RPGRIP1L: variants seen among roughly 807,000 people sequenced by gnomAD.
RPGRIP1L encodes protein fantom.
RPGRIP1L carries 131 observed loss-of-function variants against 160.4 expected under a neutral mutation model. That is an observed-to-expected ratio of 0.82 (90% CI 0.71 to 0.94). RPGRIP1L has a LOEUF of 0.94. Among genes scored for constraint, RPGRIP1L ranks in the 40% least tolerant of loss-of-function variants. The probability of loss-of-function intolerance (pLI) is 0.00; values close to 1 mark genes in which losing one functional copy is unlikely to be tolerated. For synonymous variants in RPGRIP1L, 510 were observed against 515.8 expected (o/e 0.99, Z 0.15); for missense variants, 1,522 against 1,535.8 (o/e 0.99, Z 0.15).
At chr16:53,629,107 A>G (rs1965351185) in intron 22 of RPGRIP1L, among the ~76,000 whole-genome samples, 1 of 151,874 alleles carries the variant, frequency 6.6e-6, no homozygotes, top group Non-Finnish European at 1.5e-5. Flanking sequence ...TTGATATGCT[A>G]CTCTCCTTTC....
chr16:53,600,321 C>A lies in RPGRIP1L; in HGVS notation c.*1755G>T, dbSNP rs913776743. On this transcript the variant is annotated 3_prime_UTR_variant, in exon 27 of 27. Coordinates refer to ENST00000647211, the MANE Select transcript of RPGRIP1L (RefSeq NM_015272.5). ...ATGAGCTCAGAGCCAGCCGAAGTGACAACAAACATGTGGTTGTTTACTAGG... is the reference window on the plus strand; with the variant it reads ...ATGAGCTCAGAGCCAGCCGAAGTGAAAACAAACATGTGGTTGTTTACTAGG... 1 of 152,612 alleles carries A rather than the reference C, an allele frequency of 6.6e-6. No individual in the cohort carries two copies. Among genetic ancestry groups the A allele is most frequent in the Non-Finnish European group, 1.5e-5 (1 of 68,056 alleles). The allele number at this position is 152,612 out of a possible 1,614,324, so 9.5% of individuals were successfully genotyped here. A position where few individuals can be genotyped will look rare whatever the true frequency, so the allele number is the denominator to read the frequency against.
rs1048321565 is a variant in RPGRIP1L at position 53,599,293 on chromosome 16, CTAATT to C, written c.*2778_*2782del. On this transcript the variant is annotated 3_prime_UTR_variant, in exon 27 of 27. Coordinates refer to ENST00000647211, the MANE Select transcript of RPGRIP1L (RefSeq NM_015272.5). Reference sequence around the variant, plus strand: ...TATTCTTTATGTATTTTTAAAAAAACTAATTTAAGTTAAATGGCAGTAAACCATGA... The same window carrying C: ...TATTCTTTATGTATTTTTAAAAAAACTAAGTTAAATGGCAGTAAACCATGA... 20 of 152,270 alleles carry C rather than the reference CTAATT, an allele frequency of 1.3e-4. No homozygotes were observed. Among genetic ancestry groups the C allele is most frequent in the Admixed American group, 3.3e-4 (5 of 15,288 alleles). 9.4% of individuals were successfully genotyped at this position (152,270 alleles called of 1,614,324 possible). A position where few individuals can be genotyped will look rare whatever the true frequency, so the allele number is the denominator to read the frequency against.
chr16:53,609,591 GCTA>G (rs1272980814), intron 25 of RPGRIP1L, among the ~76,000 whole-genome samples: 1 of 152,120 alleles, frequency 6.6e-6, no homozygotes, highest in Non-Finnish European at 1.5e-5. Context: ...GACTGAATAG[GCTA>G]CTGAATCGCA....
At chr16:53,619,397 C>T (rs1195948280) in intron 23 of RPGRIP1L, among the ~76,000 whole-genome samples, 189 bp from the exon 24 acceptor site, 3 of 152,178 alleles carry the variant, frequency 2.0e-5, no homozygotes, top group South Asian at 2.1e-4. Flanking sequence ...GAATGAGATG[C>T]TAATGCCCCA....
At chr16:53,663,189 TA>T (rs922136716) in intron 10 of RPGRIP1L, among the ~76,000 whole-genome samples, 6 of 151,568 alleles carry the variant, frequency 4.0e-5, no homozygotes, top group East Asian at 1.9e-4. Flanking sequence ...TGTTTATTAT[TA>T]AAAAAAATTC....
intron 21 of RPGRIP1L, 106 bp downstream of exon 21, chr16:53,637,589 G>T: frequency 2.0e-6 from 2 of 983,352 alleles, no homozygotes; most frequent in Non-Finnish European, 3.2e-6. Flanking sequence ...CAGGTATCGT[G>T]AAGTAGACGC....
At chr16:53,640,401 G>A (rs1174873228) in intron 19 of RPGRIP1L, among the ~76,000 whole-genome samples, 6 of 152,198 alleles carry the variant, frequency 3.9e-5, no homozygotes, top group Admixed American at 3.9e-4. Flanking sequence ...TCAGCGTATA[G>A]ATGCTTTTTT....
Position 53,658,439 on chromosome 16 carries a change from A to C in RPGRIP1L, c.1376T>G (p.Leu459Trp), listed in dbSNP as rs1430832205. 4.3e-6 allele frequency: 7 copies of C among 1,611,598 alleles called. No individual in the cohort carries two copies. Among genetic ancestry groups the C allele is most frequent in the Admixed American group, 1.7e-5 (1 of 59,978 alleles). ...NQENDINADE[L>W]SEALLLIKAQ... ...CTTTATAAGTAGGAGAGCTTCACTC[A>C]ATTCATCAGCATTAATATCATTCTC... Residue 459 changes from leucine to tryptophan, a missense_variant, in exon 12 of 27, where the codon TTG becomes TGG. By Grantham distance (61) the Leu-to-Trp change is moderately conservative (BLOSUM62 -2). Transcript: ENST00000647211.
At chr16:53,624,241 T>C (rs1164126672) in intron 22 of RPGRIP1L, among the ~76,000 whole-genome samples, 1 of 152,192 alleles carries the variant, frequency 6.6e-6, no homozygotes, top group East Asian at 1.9e-4. Flanking sequence ...GCAGGTATTA[T>C]TGCCTTCTCA....
In RPGRIP1L at chr16:53,687,950, T is replaced by C; in HGVS notation, c.545A>G (p.Asp182Gly). The C allele has an allele frequency of 6.2e-7, 1 of 1,603,768 alleles. No homozygotes were observed. Among genetic ancestry groups the C allele is most frequent in the Non-Finnish European group, 8.5e-7 (1 of 1,171,174 alleles). The change falls in exon 5 of 27, where the codon GAT becomes GGT. Residue 182 changes from aspartate to glycine, a missense_variant. By Grantham distance (94) the Asp-to-Gly change is moderately conservative. Coordinates refer to ENST00000647211, the MANE Select transcript of RPGRIP1L (RefSeq NM_015272.5). ...ATGTGGAGTTTCTGCTACATCTGCATCTTGGAATTTTATACCTAAAAACAA... is the reference window on the plus strand; with the variant it reads ...ATGTGGAGTTTCTGCTACATCTGCACCTTGGAATTTTATACCTAAAAACAA... ...ECPRKGIKFQDADVAETPHPM... is the reference protein window; with the variant it reads ...ECPRKGIKFQGADVAETPHPM...
In RPGRIP1L at chr16:53,601,254, T is replaced by C. The variant is rs554221378; in HGVS notation, c.*822A>G. On this transcript the variant is annotated 3_prime_UTR_variant, in exon 27 of 27. Transcript: ENST00000647211. ...CTCCTTTCACGTCTAACTAAGCATA[T>C]CAGAATTTGAGTTATACTTTTCATA... 5 of 152,642 alleles carry C rather than the reference T, an allele frequency of 3.3e-5. No individual in the cohort carries two copies. The East Asian group carries it at 9.6e-4, about 29-fold the overall frequency. 9.5% of individuals were successfully genotyped at this position (152,642 alleles called of 1,614,324 possible). A position where few individuals can be genotyped will look rare whatever the true frequency, so the allele number is the denominator to read the frequency against.
At chr16:53,698,714 G>A (rs1359257535) in intron 2 of RPGRIP1L, among the ~76,000 whole-genome samples, 3 of 148,816 alleles carry the variant, frequency 2.0e-5, no homozygotes, top group Admixed American at 1.3e-4. Flanking sequence ...CCGGGAGGGA[G>A]GTGGGGGGGT....
At chr16:53,677,511 A>C (rs1355200042) in intron 6 of RPGRIP1L, among the ~76,000 whole-genome samples, 1 of 152,204 alleles carries the variant, frequency 6.6e-6, no homozygotes. Flanking sequence ...GTGATAACAT[A>C]AAAGTTCAAA....
intron 6 of RPGRIP1L, 100 bp from the exon 7 acceptor site, chr16:53,675,222 G>A: frequency 1.4e-6 from 1 of 739,892 alleles, no homozygotes; most frequent in Non-Finnish European, 2.4e-6. Context: ...ATGTTACATA[G>A]AAAATATTTA....
chr16:53,652,803 C>T lies in RPGRIP1L; in HGVS notation c.1884G>A (p.Glu628=), dbSNP rs2151126933. ...SEVLQASGDK[E]PVTFCTYAFY... ...AAGCATAGGTACAGAAAGTGACAGG[C>T]TCTTTATCTCCAGATGCCTGTAAAA... is the stretch of plus-strand genomic sequence containing the variant. Residue 628 remains glutamate (E), a synonymous_variant, in exon 15 of 27, where the codon GAG becomes GAA. Transcript: ENST00000647211. 6.2e-7 allele frequency: 1 copy of T among 1,614,066 alleles called. No homozygotes were observed. The highest frequency in any genetic ancestry group is 8.5e-7 in the Non-Finnish European group (1 of 1,179,976).
chr16:53,637,609 A>G, intron 21 of RPGRIP1L, 86 bp downstream of exon 21: 1 of 1,188,396 alleles, frequency 8.4e-7, no homozygotes, highest in Non-Finnish European at 1.2e-6. Context: ...CTACCATTAA[A>G]TGAAGATGTT....
intron 2 of RPGRIP1L, among the ~76,000 whole-genome samples, chr16:53,698,318 G>C (rs1379092376): frequency 7.0e-6 from 1 of 142,214 alleles, no homozygotes; most frequent in African/African-American, 2.7e-5. Flanking sequence ...GGAGGGAGGT[G>C]GGGGGGTCAG....
At chr16:53,624,254 T>A (rs115366971) in intron 22 of RPGRIP1L, among the ~76,000 whole-genome samples, 1,835 of 152,268 alleles carry the variant, frequency 0.012, 33 homozygotes, top group African/African-American at 0.042. Flanking sequence ...CCTTCTCATT[T>A]AAAAAATATT....
intron 4 of RPGRIP1L, among the ~76,000 whole-genome samples, chr16:53,689,381 ACCT>A (rs1970239694): frequency 6.6e-6 from 1 of 151,722 alleles, no homozygotes; most frequent in African/African-American, 2.4e-5. Context: ...CCATTAACCA[ACCT>A]CCTTTCATCC....
Sources: gnomAD v4.1 joint callset for allele counts (sites outside exome capture counted in the v4.1 genomes callset) on GRCh38, gnomAD v4.1.1 for gene constraint, MANE v1.5 for transcripts, NCBI Gene and HGNC (gene_info 2026-07-23, HGNC 2026-07-21) for gene names.